Variants in ARMH3 observed in about 807,000 individuals in gnomAD.
The protein encoded by ARMH3 is armadillo like helical domain containing 3, also known as armadillo-like helical domain-containing protein 3.
In ARMH3, 60 loss-of-function variants were observed where a neutral mutation model predicts 99.1. That is an observed-to-expected ratio of 0.61 (90% confidence interval 0.49 to 0.75). ARMH3 has a LOEUF of 0.75. Among genes scored for constraint, ARMH3 ranks in the 30% least tolerant of loss-of-function variants. ARMH3 has a pLI of 0.00. For synonymous variants in ARMH3, 285 were observed against 292.8 expected (o/e 0.97, Z 0.27); for missense variants, 679 against 843.1 (o/e 0.81, Z 2.41).
chr10:101,859,309 CA>C (rs2066807270), intron 24 of ARMH3, among the ~76,000 whole-genome samples: 1 of 152,162 alleles, frequency 6.6e-6, no homozygotes, highest in Non-Finnish European at 1.5e-5. Flanking sequence ...ATTGTGAGTG[CA>C]AAATTCTACA....
chr10:101,939,197 G>A (rs1422081876), intron 23 of ARMH3, among the ~76,000 whole-genome samples: 2 of 152,158 alleles, frequency 1.3e-5, no homozygotes, highest in Non-Finnish European at 2.9e-5. Context: ...TGTAATAACT[G>A]TTGAGAAAAT....
intron 24 of ARMH3, among the ~76,000 whole-genome samples, chr10:101,886,647 C>T (rs2067553213): frequency 6.6e-6 from 1 of 152,076 alleles, no homozygotes; most frequent in Admixed American, 6.5e-5. Flanking sequence ...TGAAAAGAAA[C>T]CCCAGTGTGA....
intron 4 of ARMH3, among the ~76,000 whole-genome samples, chr10:102,030,605 C>A (rs1295996683): frequency 6.6e-6 from 1 of 151,970 alleles, no homozygotes; most frequent in Non-Finnish European, 1.5e-5. Context: ...AGCTATTCAG[C>A]AGGCTGAGGC....
At position 102,054,890 on chromosome 10, in the gene ARMH3, G is replaced by T. The variant is rs1253057130; in HGVS notation, c.-12+1195C>A. On this transcript the variant is annotated intron_variant, in intron 1 of 25. Transcript: ENST00000370033. ...TCACGTCTGTAATCCCAGCTGCTTG[G>T]GGGGCTGACGGGGAAGAATCGCTCG... 2.0e-5 allele frequency among the ~76,000 whole-genome samples: 3 copies of T among 151,916 alleles called. No homozygotes were observed. The East Asian group carries it at 5.8e-4, about 30-fold the overall frequency.
At chr10:102,017,337 C>T (rs928405571) in intron 8 of ARMH3, among the ~76,000 whole-genome samples, 1 of 152,232 alleles carries the variant, frequency 6.6e-6, no homozygotes, top group Non-Finnish European at 1.5e-5. Flanking sequence ...TTGCCCACTA[C>T]ATTAATTCTT....
Position 101,888,551 on chromosome 10 carries a change from A to AGCTG in ARMH3, c.1860+857_1860+860dup, listed in dbSNP as rs552552458. On this transcript the variant is annotated intron_variant, in intron 24 of 25. Transcript: ENST00000370033. ...ACACTGAAACACATGGTCAAATCAT[A>AGCTG]GCTGGCTGGCTGGCTCTGCCAGCAA... Among the ~76,000 whole-genome samples, 16 of 152,354 alleles carry AGCTG rather than the reference A, an allele frequency of 1.1e-4. No homozygotes were observed. In the South Asian group the frequency reaches 3.3e-3, roughly 32 times the overall value.
chr10:101,971,501 C>A (rs1457421756), intron 20 of ARMH3, among the ~76,000 whole-genome samples: 7 of 151,864 alleles, frequency 4.6e-5, no homozygotes, highest in Admixed American at 4.6e-4. Flanking sequence ...TTTGAACCCG[C>A]AATCACACCA....
At chr10:101,869,169 G>C (rs550875255) in intron 24 of ARMH3, among the ~76,000 whole-genome samples, 2 of 152,116 alleles carry the variant, frequency 1.3e-5, no homozygotes, top group Non-Finnish European at 2.9e-5. Context: ...CAACTGCACA[G>C]GGGGCCAGTG....
chr10:101,914,176 A>AT (rs2135562536), intron 23 of ARMH3, among the ~76,000 whole-genome samples: 1 of 152,298 alleles, frequency 6.6e-6, no homozygotes, highest in African/African-American at 2.4e-5. Context: ...CTGAAGGGGC[A>AT]TAAAAACACA....
chr10:102,028,523 TAGTG>T (rs2067052228), intron 5 of ARMH3, among the ~76,000 whole-genome samples: 1 of 152,132 alleles, frequency 6.6e-6, no homozygotes, highest in African/African-American at 2.4e-5. Context: ...AAACAAAATA[TAGTG>T]AGTATCTCCA....
At chr10:101,923,501 G>A (rs773576975) in intron 23 of ARMH3, among the ~76,000 whole-genome samples, 27 of 152,136 alleles carry the variant, frequency 1.8e-4, no homozygotes, top group Non-Finnish European at 2.9e-4. Flanking sequence ...GCAGCAGTGA[G>A]TTGCACACTT....
intron 1 of ARMH3, among the ~76,000 whole-genome samples, chr10:102,055,759 G>A (rs569042973): frequency 6.6e-6 from 1 of 152,292 alleles, no homozygotes; most frequent in South Asian, 2.1e-4. Context: ...GGCAGCTGGC[G>A]GGGTCAAAGG....
chr10:101,889,865 C>G (rs932617481), intron 23 of ARMH3: 3 of 200,070 alleles, frequency 1.5e-5, no homozygotes, highest in African/African-American at 2.3e-5. Context: ...CTTGGGAGAA[C>G]AGGGCACTCA....
intron 6 of ARMH3, among the ~76,000 whole-genome samples, chr10:102,024,373 C>T (rs1008650010): frequency 7.9e-5 from 12 of 151,794 alleles, no homozygotes; most frequent in Middle Eastern, 3.2e-3. Context: ...TGTTCAAACC[C>T]GGGAGATGGT....
intron 23 of ARMH3, among the ~76,000 whole-genome samples, chr10:101,926,508 C>G (rs890297496): frequency 6.6e-6 from 1 of 152,010 alleles, no homozygotes; most frequent in African/African-American, 2.4e-5. Flanking sequence ...GGCCAGAGCT[C>G]TACTCTAACT....
chr10:101,904,405 G>C (rs1048525424), intron 23 of ARMH3, among the ~76,000 whole-genome samples: 2 of 152,072 alleles, frequency 1.3e-5, no homozygotes. Context: ...AGCCAGTGAG[G>C]AGTTTTTTTT....
In ARMH3 at chr10:101,927,657, C is replaced by CT. The variant is rs1843562458; in HGVS notation, c.1781+12205dup. 2.0e-5 allele frequency among the ~76,000 whole-genome samples: 3 copies of CT among 152,158 alleles called. No individual in the cohort carries two copies. The South Asian group carries it at 6.2e-4, about 32-fold the overall frequency. ...AATTCATTAAGAAAGAGGATGAACA[C>CT]TAAGTTTCAGCCTATAATCCCAGCA... is the stretch of plus-strand genomic sequence containing the variant. On this transcript the variant is annotated intron_variant, in intron 23 of 25. Transcript: ENST00000370033.
intron 8 of ARMH3, among the ~76,000 whole-genome samples, chr10:102,017,717 T>C (rs182530375): frequency 1.3e-5 from 2 of 152,212 alleles, no homozygotes; most frequent in East Asian, 3.9e-4. Flanking sequence ...ATCAGTAAAA[T>C]AGGTGTTGGG....
chr10:101,991,810 AC>A (rs1040318056), intron 18 of ARMH3, among the ~76,000 whole-genome samples, 158 bp downstream of exon 18: 2 of 152,220 alleles, frequency 1.3e-5, no homozygotes, highest in African/African-American at 2.4e-5. Context: ...GGGTTGCTTT[AC>A]CAAACACAAC....
Sources: allele counts gnomAD v4.1 joint callset (sites outside exome capture counted in the v4.1 genomes callset), GRCh38; gene constraint gnomAD v4.1.1; transcripts MANE v1.5; gene names NCBI Gene and HGNC (gene_info 2026-07-23, HGNC 2026-07-21).